Variants in XRCC5 observed in about 807,000 individuals in gnomAD.
The protein encoded by XRCC5 is X-ray repair cross complementing 5, also known as DNA repair protein Ku80.
A neutral mutation model predicts 95.7 loss-of-function variants in XRCC5; 12 were observed. The observed-to-expected ratio is 0.13, with a 90% confidence interval of 0.08 to 0.20. The LOEUF is 0.20. Ranked by LOEUF, XRCC5 falls within the 10% of genes least tolerant of loss-of-function variation. The pLI, the probability that XRCC5 is intolerant of heterozygous loss-of-function variation, is 1.00. For missense variants in XRCC5, 595 were observed against 873.9 expected, an observed-to-expected ratio of 0.68 and a Z score of 4.02; for synonymous variants, 281 against 290.3, an observed-to-expected ratio of 0.97 and a Z score of 0.33.
chr2:216,111,696 T>C lies in XRCC5; in HGVS notation c.22-1320T>C, dbSNP rs535658061. On this transcript the variant is annotated intron_variant, in intron 1 of 20. Coordinates refer to ENST00000392132, the MANE Select transcript of XRCC5 (RefSeq NM_021141.4). ...GTAATTAATTTTCCTGGTAAGATGT[T>C]AGCCCAGAACTGCTCACAGTTTGTT... Among the ~76,000 whole-genome samples, 414 of 152,356 alleles carry C rather than the reference T, an allele frequency of 2.7e-3. 1 individual carries two copies. The highest frequency in any genetic ancestry group is 3.8e-3 in the Non-Finnish European group (258 of 68,032).
intron 15 of XRCC5, among the ~76,000 whole-genome samples, 161 bp downstream of exon 15, chr2:216,160,322 T>C (rs1688928113): frequency 6.6e-6 from 1 of 152,240 alleles, no homozygotes; most frequent in African/African-American, 2.4e-5. Flanking sequence ...ACCCATTCCA[T>C]ACTTCTTTAA....
Position 216,120,277 on chromosome 2 carries a change from C to G in XRCC5, c.491+1112C>G, listed in dbSNP as rs990783375. Among the ~76,000 whole-genome samples, 4 of 152,152 alleles carry G rather than the reference C, an allele frequency of 2.6e-5. No individual in the cohort carries two copies. In the East Asian group the frequency reaches 7.7e-4, roughly 29 times the overall value. Reference sequence around the variant, plus strand: ...GGTCCTTTTTCATAATCTCAGGATGCCTTTACATGTTAGAAGCAGACTGCA... The same window carrying G: ...GGTCCTTTTTCATAATCTCAGGATGGCTTTACATGTTAGAAGCAGACTGCA... On this transcript the variant is annotated intron_variant, in intron 5 of 20. Transcript: ENST00000392132.
At chr2:216,183,560 C>T (rs1689432800) in intron 16 of XRCC5, among the ~76,000 whole-genome samples, 1 of 152,086 alleles carries the variant, frequency 6.6e-6, no homozygotes, top group Admixed American at 6.6e-5. Flanking sequence ...TTGAGGTGGT[C>T]AGCACTTTGC....
intron 1 of XRCC5, 133 bp from the exon 2 acceptor site, chr2:216,112,883 T>C: frequency 3.0e-6 from 2 of 665,838 alleles, no homozygotes; most frequent in South Asian, 1.8e-5. Context: ...CACATTCTTA[T>C]GTAGAACACA....
chr2:216,203,094 T>C (rs898592493), intron 19 of XRCC5, among the ~76,000 whole-genome samples: 14 of 152,202 alleles, frequency 9.2e-5, no homozygotes, highest in African/African-American at 3.4e-4. Flanking sequence ...CATTTTTTCA[T>C]GTTGAGAGTG....
At chr2:216,119,264 C>A in intron 5 of XRCC5, 99 bp downstream of exon 5, 1 of 1,333,068 alleles carries the variant, frequency 7.5e-7, no homozygotes, top group Non-Finnish European at 1.0e-6. Flanking sequence ...GGAATTTTCG[C>A]TTTCTGCTCC....
At chr2:216,130,777 G>A (rs919325630) in intron 8 of XRCC5, 98 bp from the exon 9 acceptor site, 2 of 685,836 alleles carry the variant, frequency 2.9e-6, no homozygotes, top group Non-Finnish European at 4.9e-6. Flanking sequence ...GCTTGCTCTG[G>A]CGTGTGCGTG....
At position 216,176,277 on chromosome 2, in the gene XRCC5, C is replaced by G. The variant is rs566922261; in HGVS notation, c.1835-13948C>G. Among the ~76,000 whole-genome samples, 317 of 152,258 alleles carry G rather than the reference C, an allele frequency of 2.1e-3. 1 individual carries two copies. The highest frequency in any genetic ancestry group is 3.4e-3 in the Middle Eastern group (1 of 294). ...GGGATGACAGGCGCCCGCCACCACACCCGGCAAACTTTTGTATTTTTAGTG... is the reference window on the plus strand; with the variant it reads ...GGGATGACAGGCGCCCGCCACCACAGCCGGCAAACTTTTGTATTTTTAGTG... On this transcript the variant is annotated intron_variant, in intron 16 of 20. Coordinates refer to ENST00000392132, the MANE Select transcript of XRCC5 (RefSeq NM_021141.4).
At position 216,187,817 on chromosome 2, in the gene XRCC5, A is replaced by ACACACACACACG. The variant is rs1689528232; in HGVS notation, c.1835-2403_1835-2402insACACACGCACAC. Among the ~76,000 whole-genome samples the ACACACACACACG allele has an allele frequency of 1.5e-4, 9 of 59,120 alleles. No homozygotes were observed. The East Asian group carries it at 2.9e-3, about 19-fold the overall frequency. 38.8% of individuals were successfully genotyped at this position (59,120 alleles called of 152,430 possible). Reference sequence around the variant, plus strand: ...CACACACACACACACACACACACACACACACTCTCTCTCTCTCTCTCTCTC... The same window carrying ACACACACACACG: ...CACACACACACACACACACACACACACACACACACACGCACACTCTCTCTCTCTCTCTCTCTC... On this transcript the variant is annotated intron_variant, in intron 16 of 20. Coordinates refer to ENST00000392132, the MANE Select transcript of XRCC5 (RefSeq NM_021141.4).
At chr2:216,152,327 C>G (rs569513893) in intron 14 of XRCC5, among the ~76,000 whole-genome samples, 1 of 152,174 alleles carries the variant, frequency 6.6e-6, no homozygotes, top group African/African-American at 2.4e-5. Flanking sequence ...TGTAATCCAG[C>G]CACTCGGGAG....
chr2:216,172,596 G>A (rs1485623413), intron 16 of XRCC5, among the ~76,000 whole-genome samples: 3 of 151,188 alleles, frequency 2.0e-5, no homozygotes, highest in Non-Finnish European at 4.4e-5. Context: ...AGCCTCCTGA[G>A]TAGCTGGGAT....
intron 10 of XRCC5, among the ~76,000 whole-genome samples, chr2:216,134,853 A>T (rs754386126): frequency 2.3e-4 from 35 of 152,126 alleles, no homozygotes; most frequent in Non-Finnish European, 4.4e-4. Context: ...GCCCTTTCTT[A>T]TGGGACTTAA....
intron 2 of XRCC5, among the ~76,000 whole-genome samples, chr2:216,115,593 C>G (rs919467026): frequency 6.6e-6 from 1 of 152,168 alleles, no homozygotes; most frequent in Admixed American, 6.5e-5. Flanking sequence ...TGAAGAATGA[C>G]AGAATTCCAT....
At chr2:216,130,113 T>C (rs1268450852) in intron 8 of XRCC5, among the ~76,000 whole-genome samples, 1 of 152,194 alleles carries the variant, frequency 6.6e-6, no homozygotes, top group African/African-American at 2.4e-5. Flanking sequence ...GCTTTTCCTT[T>C]GCATTTGTCC....
chr2:216,144,304 C>A (rs1027899679), intron 13 of XRCC5, among the ~76,000 whole-genome samples: 4 of 152,140 alleles, frequency 2.6e-5, no homozygotes, highest in South Asian at 2.1e-4. Context: ...AGAATAAGTT[C>A]TGTATGGGGA....
chr2:216,153,675 A>G (rs1442053839), intron 14 of XRCC5, among the ~76,000 whole-genome samples: 3 of 152,242 alleles, frequency 2.0e-5, no homozygotes, highest in Non-Finnish European at 4.4e-5. Flanking sequence ...AAGATGAGAA[A>G]CTTGCCCAAG....
At chr2:216,117,487 T>C in intron 3 of XRCC5, 1 of 468,318 alleles carries the variant, frequency 2.1e-6, no homozygotes, top group Non-Finnish European at 3.9e-6. Context: ...AATGACATAA[T>C]TTTTGGTTAA....
At chr2:216,204,130 C>T (rs1387663769) in intron 19 of XRCC5, 192 bp from the exon 20 acceptor site, 2 of 607,280 alleles carry the variant, frequency 3.3e-6, no homozygotes, top group Non-Finnish European at 2.9e-6. Flanking sequence ...CTACTTGAAC[C>T]TCAAAACTGG....
intron 16 of XRCC5, among the ~76,000 whole-genome samples, chr2:216,166,735 G>C (rs963059669): frequency 1.3e-5 from 2 of 152,172 alleles, no homozygotes; most frequent in Non-Finnish European, 2.9e-5. Context: ...ATAGACAGCA[G>C]GTTCAAGAAG....
Sources: gnomAD v4.1 joint callset for allele counts (sites outside exome capture counted in the v4.1 genomes callset) on GRCh38, gnomAD v4.1.1 for gene constraint, MANE v1.5 for transcripts, NCBI Gene and HGNC (gene_info 2026-07-23, HGNC 2026-07-21) for gene names.